The following PCDHGA6 variants were observed in gnomAD, a reference collection of about 807,000 sequenced individuals.
The protein encoded by PCDHGA6 is protocadherin gamma subfamily A, 6, also known as protocadherin gamma-A6.
PCDHGA6 carries 41 observed loss-of-function variants against 60.6 expected under a neutral mutation model. The observed-to-expected ratio is 0.68, with a 90% confidence interval of 0.53 to 0.88. The LOEUF (loss-of-function observed/expected upper bound fraction) is 0.88, where lower values mean the gene tolerates loss of function less well. Among genes scored for constraint, PCDHGA6 ranks in the 40% least tolerant of loss-of-function variants. The pLI, the probability that PCDHGA6 is intolerant of heterozygous loss-of-function variation, is 0.00. For synonymous variants in PCDHGA6, 594 were observed against 524.4 expected (o/e 1.13, Z -1.81); for missense variants, 1,312 against 1,203.0 (o/e 1.09, Z -1.34).
chr5:141,431,036 G>A lies in PCDHGA6; in HGVS notation c.2424+54529G>A. The A allele has an allele frequency of 6.2e-7, 1 of 1,614,204 alleles. No individual in the cohort carries two copies. Among genetic ancestry groups the A allele is most frequent in the Non-Finnish European group, 8.5e-7 (1 of 1,180,034 alleles). ...GGTCACGGCGGGCAGGATAGACCGG[G>A]AGGAGCTCTGTATGGGGGCCATCAA... On this transcript the variant is annotated intron_variant, in intron 1 of 3. Coordinates refer to ENST00000517434, the MANE Select transcript of PCDHGA6 (RefSeq NM_018919.3). This position sits in a 1 kb window ranked among gnomAD's most constrained non-coding sequence, Gnocchi z 4.8.
chr5:141,433,192 A>G (rs756991371), intron 1 of PCDHGA6: 1 of 1,585,516 alleles, frequency 6.3e-7, no homozygotes, highest in Non-Finnish European at 8.6e-7. Flanking sequence ...AGGTGAGTTT[A>G]TATCAAATCT....
At position 141,374,456 on chromosome 5, in the gene PCDHGA6, G is replaced by A; in HGVS notation, c.373G>A (p.Asp125Asn). ...NLYPVEVEIV[D>N]INDNTPRFLK... Reference sequence around the variant, plus strand: ...TTATCCCGTGGAAGTGGAAATAGTGGACATTAATGACAATACACCCCGATT... The same window carrying A: ...TTATCCCGTGGAAGTGGAAATAGTGAACATTAATGACAATACACCCCGATT... Residue 125 changes from aspartate to asparagine, a missense_variant, in exon 1 of 4, where the codon GAC becomes AAC. Physicochemically the swap from Asp to Asn is conservative, Grantham distance 23. Transcript: ENST00000517434. 1.2e-6 allele frequency: 2 copies of A among 1,613,432 alleles called. No individual in the cohort carries two copies. The highest frequency in any genetic ancestry group is 1.7e-6 in the Non-Finnish European group (2 of 1,179,418).
intron 3 of PCDHGA6, among the ~76,000 whole-genome samples, chr5:141,509,139 A>G (rs1042555376): frequency 2.6e-5 from 4 of 152,140 alleles, no homozygotes; most frequent in African/African-American, 9.7e-5. Flanking sequence ...ACCGAGGCGC[A>G]TCCCGGCTCT....
At chr5:141,456,309 A>T (rs1305324857) in intron 1 of PCDHGA6, among the ~76,000 whole-genome samples, 1 of 152,138 alleles carries the variant, frequency 6.6e-6, no homozygotes, top group Non-Finnish European at 1.5e-5. Flanking sequence ...AACAGCAGCT[A>T]GGGCTCCTCC....
intron 1 of PCDHGA6, chr5:141,408,072 T>G (rs1047187961): frequency 1.7e-5 from 24 of 1,388,622 alleles, no homozygotes; most frequent in Middle Eastern, 2.6e-4. Flanking sequence ...CGCAGACCTT[T>G]CCCAGCACAG....
chr5:141,480,122 C>T (rs576224922), intron 1 of PCDHGA6, among the ~76,000 whole-genome samples: 1 of 151,948 alleles, frequency 6.6e-6, no homozygotes, highest in African/African-American at 2.4e-5. Flanking sequence ...CCTGGCATAT[C>T]ATAACTGTTA....
intron 1 of PCDHGA6, chr5:141,418,233 ATGT>A: frequency 6.2e-7 from 1 of 1,614,048 alleles, no homozygotes; most frequent in Admixed American, 1.7e-5. Context: ...GTGATTGAGG[ATGT>A]TAATGACCAC....
chr5:141,464,419 A>G (rs2099083824), intron 1 of PCDHGA6, among the ~76,000 whole-genome samples: 1 of 151,768 alleles, frequency 6.6e-6, no homozygotes, highest in South Asian at 2.1e-4. Context: ...ATATATCTAT[A>G]TATATAGATA....
Position 141,447,048 on chromosome 5 carries a change from A to G in PCDHGA6, c.2425-47759A>G, listed in dbSNP as rs149112101. Among the ~76,000 whole-genome samples, 216 of 152,182 alleles carry G rather than the reference A, an allele frequency of 1.4e-3. 1 individual carries two copies. Among genetic ancestry groups the G allele is most frequent in the African/African-American group, 4.8e-3 (198 of 41,512 alleles). On this transcript the variant is annotated intron_variant, in intron 1 of 3. Transcript: ENST00000517434. ...GTTTTTTTTCTGTGTCTGGAATTCT[A>G]TTAAAATGTGTCAGGCTGTTTTAAT...
chr5:141,376,374 G>T lies in PCDHGA6; in HGVS notation c.2291G>T (p.Arg764Leu), dbSNP rs561821467. Reference sequence around the variant, plus strand: ...GAGGTCTCACTCACTGCAGACTCGCGTAAGAGTCATCTGATTTTCCCCCAG... The same window carrying T: ...GAGGTCTCACTCACTGCAGACTCGCTTAAGAGTCATCTGATTTTCCCCCAG... ...SHEVSLTADS[R>L]KSHLIFPQPN... Residue 764 changes from arginine to leucine, a missense_variant, in exon 1 of 4, where the codon CGT becomes CTT. Arg to Leu is a moderately radical substitution (Grantham distance 102). Transcript: ENST00000517434. The T allele has an allele frequency of 2.0e-5, 32 of 1,614,190 alleles. No homozygotes were observed. In the African/African-American group the frequency reaches 3.2e-4, roughly 16 times the overall value.
chr5:141,398,107 A>C, intron 1 of PCDHGA6: 1 of 1,595,524 alleles, frequency 6.3e-7, no homozygotes, highest in Non-Finnish European at 8.5e-7. Flanking sequence ...GCTGGTGAGC[A>C]AGCTGAGGAG....
intron 1 of PCDHGA6, chr5:141,423,051 C>T (rs200022455): frequency 1.7e-5 from 28 of 1,614,084 alleles, no homozygotes; most frequent in Non-Finnish European, 2.3e-5. Context: ...TGTCCTATCG[C>T]CTGCTTAAGG....
At chr5:141,422,636 C>T in intron 1 of PCDHGA6, 3 of 1,612,584 alleles carry the variant, frequency 1.9e-6, no homozygotes, top group Non-Finnish European at 2.5e-6. Context: ...CCCAGGGGTG[C>T]CTCCATCTTC....
chr5:141,474,955 T>C (rs2099356879), intron 1 of PCDHGA6, among the ~76,000 whole-genome samples: 1 of 152,254 alleles, frequency 6.6e-6, no homozygotes, highest in African/African-American at 2.4e-5. Context: ...TTTTATTCAC[T>C]ATCCTAATCA....
At position 141,375,374 on chromosome 5, in the gene PCDHGA6, C is replaced by T; in HGVS notation, c.1291C>T (p.Pro431Ser). ...TVTATDKGTP[P>S]LSTETIISLN... ...GACAGCCACGGACAAAGGAACACCA[C>T]CTCTGTCTACAGAAACAATCATCTC... is the stretch of plus-strand genomic sequence containing the variant. Residue 431 changes from proline to serine, a missense_variant, in exon 1 of 4, where the codon CCT (proline) becomes TCT (serine). Pro to Ser is a moderately conservative substitution (Grantham distance 74). Transcript: ENST00000517434. 2.5e-6 allele frequency: 4 copies of T among 1,613,952 alleles called. No homozygotes were observed. Among genetic ancestry groups the T allele is most frequent in the Non-Finnish European group, 3.4e-6 (4 of 1,180,000 alleles).
chr5:141,462,652 A>T (rs201168659), intron 1 of PCDHGA6, among the ~76,000 whole-genome samples: 1 of 80,348 alleles, frequency 1.2e-5, no homozygotes, highest in African/African-American at 7.4e-5. Flanking sequence ...TTCCATCCTC[A>T]ATTATCTTCA....
intron 1 of PCDHGA6, among the ~76,000 whole-genome samples, chr5:141,443,297 A>G (rs1208893030): frequency 6.7e-6 from 1 of 148,196 alleles, no homozygotes; most frequent in East Asian, 2.0e-4. Context: ...CCTGGACAGC[A>G]TGGCAAAAAC....
chr5:141,423,514 G>T (rs1208270970), intron 1 of PCDHGA6: 2 of 1,613,812 alleles, frequency 1.2e-6, no homozygotes, highest in Non-Finnish European at 1.7e-6. Flanking sequence ...TCTCATTGCG[G>T]ACTCGCAGAA....
Position 141,489,409 on chromosome 5 carries a change from A to T in PCDHGA6, c.2425-5398A>T. On this transcript the variant is annotated intron_variant, in intron 1 of 3. Transcript: ENST00000517434. The surrounding 1 kb of genome is among the most constrained non-coding windows in gnomAD (Gnocchi z 4.5). ...TGCTCAGGATCTGGGCTTAAAGATG[A>T]CAGATCTGTTGAGCCGGCGGCTGCA... 1.9e-6 allele frequency: 3 copies of T among 1,614,114 alleles called. No homozygotes were observed. The highest frequency in any genetic ancestry group is 2.5e-6 in the Non-Finnish European group (3 of 1,180,004).
Sources: gnomAD v4.1 joint callset for allele counts (sites outside exome capture counted in the v4.1 genomes callset) on GRCh38, gnomAD v4.1.1 for gene constraint, Gnocchi (gnomAD v3.1) non-coding constraint, MANE v1.5 for transcripts, NCBI Gene and HGNC (gene_info 2026-07-23, HGNC 2026-07-21) for gene names.